CFAP206: variants seen among roughly 807,000 people sequenced by gnomAD.
CFAP206 encodes cilia and flagella associated protein 206, also known as cilia- and flagella-associated protein 206.
Under a neutral mutation model 65.4 loss-of-function variants are expected in CFAP206, and 53 were observed. The ratio of observed to expected loss-of-function variants is 0.81; its 90% CI spans 0.65 to 1.02. The LOEUF (loss-of-function observed/expected upper bound fraction) is 1.02. Among genes scored for constraint, CFAP206 ranks in the 50% least tolerant of loss-of-function variants. The probability of loss-of-function intolerance (pLI) is 0.00; values close to 1 mark genes in which losing one functional copy is unlikely to be tolerated. For missense variants in CFAP206, 663 were observed against 753.2 expected (o/e 0.88, Z 1.40); for synonymous variants, 250 against 254.4 (o/e 0.98, Z 0.17).
Position 87,464,030 on chromosome 6 carries a change from G to T in CFAP206, c.1649G>T (p.Arg550Leu), listed in dbSNP as rs139574881. 61 of 1,606,656 alleles carry T rather than the reference G, an allele frequency of 3.8e-5. No individual in the cohort carries two copies. In the South Asian group the frequency reaches 5.7e-4, roughly 15 times the overall value. The change falls in exon 13 of 13, where the codon CGC (arginine) becomes CTC (leucine). Residue 550 changes from arginine to leucine, a missense_variant. Transcript: ENST00000369562. ...RRKAIKLANLRQKVTHSVQTD... is the reference protein window; with the variant it reads ...RRKAIKLANLLQKVTHSVQTD... ...TCTCTTTCTCTTTAGGCTAATTTGCGCCAGAAAGTTACTCACTCAGTACAA... is the reference window on the plus strand; with the variant it reads ...TCTCTTTCTCTTTAGGCTAATTTGCTCCAGAAAGTTACTCACTCAGTACAA...
At chr6:87,443,379 C>G (rs987579007) in intron 11 of CFAP206, among the ~76,000 whole-genome samples, 4 of 152,070 alleles carry the variant, frequency 2.6e-5, no homozygotes, top group Non-Finnish European at 4.4e-5. Context: ...GCACTAGTTT[C>G]TCAGTCTTTT....
intron 5 of CFAP206, 34 bp downstream of exon 5, chr6:87,415,908 G>A: frequency 2.2e-6 from 3 of 1,346,354 alleles, no homozygotes; most frequent in South Asian, 1.9e-5. Context: ...TTTCATAAGT[G>A]AAAATATATG....
chr6:87,410,534 T>A, intron 2 of CFAP206, 51 bp from the exon 3 acceptor site: 1 of 1,272,902 alleles, frequency 7.9e-7, no homozygotes, highest in East Asian at 2.3e-5. Flanking sequence ...GAAATAAAAT[T>A]GCTTAATGGA....
chr6:87,409,240 T>C (rs1767684834), intron 1 of CFAP206, among the ~76,000 whole-genome samples: 2 of 151,404 alleles, frequency 1.3e-5, no homozygotes, highest in Non-Finnish European at 2.9e-5. Flanking sequence ...TTTTTTTTTT[T>C]CCTGAGACAC....
chr6:87,441,668 CA>C (rs2127954205), intron 11 of CFAP206: 1 of 170,504 alleles, frequency 5.9e-6, no homozygotes, highest in African/African-American at 2.4e-5. Context: ...CTGGGAAATC[CA>C]AAGTATATAC....
intron 4 of CFAP206, 28 bp downstream of exon 4, chr6:87,413,928 TA>T: frequency 8.3e-7 from 1 of 1,199,856 alleles, no homozygotes; most frequent in Non-Finnish European, 1.1e-6. Flanking sequence ...TTTTTATACT[TA>T]AAAAATTTCA....
chr6:87,456,294 G>A (rs2127957182), intron 11 of CFAP206, among the ~76,000 whole-genome samples: 1 of 152,034 alleles, frequency 6.6e-6, no homozygotes, highest in South Asian at 2.1e-4. Flanking sequence ...ATCAAATGCT[G>A]AAAAAGCATT....
chr6:87,419,533 G>A (rs1424222953), intron 7 of CFAP206, among the ~76,000 whole-genome samples: 3 of 152,128 alleles, frequency 2.0e-5, no homozygotes, highest in East Asian at 1.9e-4. Flanking sequence ...CATGATGGCA[G>A]GTTATGTTCC....
At chr6:87,447,767 T>C (rs926394447) in intron 11 of CFAP206, among the ~76,000 whole-genome samples, 2 of 152,122 alleles carry the variant, frequency 1.3e-5, no homozygotes, top group African/African-American at 4.8e-5. Flanking sequence ...CGGTTTCTCC[T>C]TGTACCTCTG....
intron 3 of CFAP206, 113 bp downstream of exon 3, chr6:87,410,781 T>A: frequency 1.2e-6 from 1 of 806,020 alleles, no homozygotes. Flanking sequence ...CACAAAATAG[T>A]AGTATACACG....
chr6:87,434,904 A>G lies in CFAP206; in HGVS notation c.1345A>G (p.Thr449Ala), dbSNP rs370949706. The change falls in exon 11 of 13, where the codon ACA becomes GCA. Residue 449 changes from threonine to alanine, a missense_variant. Transcript: ENST00000369562. Reference protein sequence around the residue: ...GILKYKEKYYTFNSKDAAYSF... With the variant: ...GILKYKEKYYAFNSKDAAYSF... ...TTTAAAATATAAAGAAAAATATTAC[A>G]CATTCAATAGTAAAGATGCTGCATA... 6.7e-7 allele frequency: 1 copy of G among 1,494,358 alleles called. No individual in the cohort carries two copies. The highest frequency in any genetic ancestry group is 9.2e-7 in the Non-Finnish European group (1 of 1,090,158). 92.6% of individuals were successfully genotyped at this position (1,494,358 alleles called of 1,614,324 possible). A position where few individuals can be genotyped will look rare whatever the true frequency, so the allele number is the denominator to read the frequency against.
chr6:87,409,874 G>GTATT lies in CFAP206; in HGVS notation c.36_39dup (p.Ile14TyrfsTer18). 1 of 1,613,372 alleles carries GTATT rather than the reference G, an allele frequency of 6.2e-7. No homozygotes were observed. Among genetic ancestry groups the GTATT allele is most frequent in the Non-Finnish European group, 8.5e-7 (1 of 1,179,664 alleles). On this transcript the variant is annotated frameshift_variant, in exon 2 of 13. Coordinates refer to ENST00000369562, the MANE Select transcript of CFAP206 (RefSeq NM_001031743.3). LOFTEE classifies it high-confidence loss of function. Reference sequence around the variant, plus strand: ...ACTCAGGCCGAAAGTGTTATAAGGAGTATTATACGAGAAATAGGACAAGAA... The same window carrying GTATT: ...ACTCAGGCCGAAAGTGTTATAAGGAGTATTTATTATACGAGAAATAGGACAAGAA...
intron 12 of CFAP206, among the ~76,000 whole-genome samples, chr6:87,462,300 A>G (rs1768762848): frequency 6.6e-6 from 1 of 152,194 alleles, no homozygotes; most frequent in Non-Finnish European, 1.5e-5. Flanking sequence ...GCAGCTTTTC[A>G]GTTCCCTGGC....
chr6:87,418,031 C>T (rs1323257186), intron 6 of CFAP206, among the ~76,000 whole-genome samples, 177 bp from the exon 7 acceptor site: 2 of 152,076 alleles, frequency 1.3e-5, no homozygotes, highest in Non-Finnish European at 2.9e-5. Flanking sequence ...AGCCACCACC[C>T]CCGGCCTAGA....
intron 7 of CFAP206, among the ~76,000 whole-genome samples, chr6:87,422,222 G>A (rs1463886730): frequency 6.6e-6 from 1 of 152,006 alleles, no homozygotes; most frequent in Non-Finnish European, 1.5e-5. Flanking sequence ...GCCGAGGCAG[G>A]CGGATCACCT....
intron 11 of CFAP206, among the ~76,000 whole-genome samples, chr6:87,456,115 A>G (rs1195801309): frequency 6.6e-6 from 1 of 152,204 alleles, no homozygotes; most frequent in Non-Finnish European, 1.5e-5. Context: ...TTAACAAAAT[A>G]CTAACAAACT....
chr6:87,454,397 C>G (rs898696125), intron 11 of CFAP206, among the ~76,000 whole-genome samples: 2 of 151,968 alleles, frequency 1.3e-5, no homozygotes, highest in African/African-American at 4.8e-5. Context: ...CAAATACTTA[C>G]AGTACATTTT....
intron 10 of CFAP206, among the ~76,000 whole-genome samples, chr6:87,432,625 GT>G (rs1768179686): frequency 6.6e-6 from 1 of 152,146 alleles, no homozygotes; most frequent in African/African-American, 2.4e-5. Context: ...AGTGAACTAG[GT>G]AACCTTTATG....
chr6:87,446,921 C>A (rs953911043), intron 11 of CFAP206, among the ~76,000 whole-genome samples: 1 of 152,066 alleles, frequency 6.6e-6, no homozygotes, highest in Non-Finnish European at 1.5e-5. Context: ...CCCTTGTTAG[C>A]TGTATTTCCA....
Sources: gnomAD v4.1 joint callset for allele counts (sites outside exome capture counted in the v4.1 genomes callset) on GRCh38, gnomAD v4.1.1 for gene constraint, MANE v1.5 for transcripts, NCBI Gene and HGNC (gene_info 2026-07-23, HGNC 2026-07-21) for gene names.